The following HECTD4 variants were observed in gnomAD, a reference collection of about 807,000 sequenced individuals.
The protein encoded by HECTD4 is probable E3 ubiquitin-protein ligase HECTD4.
Under a neutral mutation model 471.5 loss-of-function variants are expected in HECTD4, and 114 were observed. That is an observed-to-expected ratio of 0.24 (90% CI 0.21 to 0.28). The LOEUF (loss-of-function observed/expected upper bound fraction) is 0.28. Among genes scored for constraint, HECTD4 ranks in the 10% least tolerant of loss-of-function variants. HECTD4 has a pLI of 1.00. For missense variants in HECTD4, 3,866 were observed against 5,651.5 expected (o/e 0.68, Z 10.13); for synonymous variants, 2,012 against 2,256.0 (o/e 0.89, Z 3.07).
rs150575074 is a variant in HECTD4 at position 112,202,323 on chromosome 12, G to A, written c.8406+1313C>T. Among the ~76,000 whole-genome samples the A allele has an allele frequency of 5.2e-3, 791 of 151,530 alleles. 5 individuals carry two copies. The highest frequency in any genetic ancestry group is 0.018 in the African/African-American group (751 of 41,270). ...GGGGTTCAAGCAATTCTCCTGCCTC[G>A]GCCTCCCAAGTAGCTAGGACTACAG... On this transcript the variant is annotated intron_variant, in intron 54 of 75. Transcript: ENST00000682272.
At chr12:112,207,745 A>C (rs929522851) in intron 52 of HECTD4, 129 bp downstream of exon 52, 14 of 991,650 alleles carry the variant, frequency 1.4e-5, no homozygotes, top group Non-Finnish European at 2.0e-5. Context: ...CACTAAAGGT[A>C]AGGTCAAAGA....
intron 34 of HECTD4, among the ~76,000 whole-genome samples, chr12:112,238,041 A>G (rs2033556820): frequency 6.6e-6 from 1 of 152,202 alleles, no homozygotes; most frequent in South Asian, 2.1e-4. Context: ...GGCGTGAGCC[A>G]CTGCACCCAG....
intron 17 of HECTD4, 69 bp from the exon 18 acceptor site, chr12:112,261,498 A>C: frequency 7.3e-7 from 1 of 1,374,794 alleles, no homozygotes. Flanking sequence ...TGACAACATG[A>C]AATGATGTAT....
chr12:112,254,099 G>A lies in HECTD4; in HGVS notation c.3391C>T (p.Leu1131=), dbSNP rs761601165. 6.2e-7 allele frequency: 1 copy of A among 1,613,962 alleles called. No homozygotes were observed. Among genetic ancestry groups the A allele is most frequent in the Non-Finnish European group, 8.5e-7 (1 of 1,179,872 alleles). The change falls in exon 22 of 76, where the codon CTG becomes TTG. Residue 1131 remains leucine, a synonymous_variant. Coordinates refer to ENST00000682272, the MANE Select transcript of HECTD4 (RefSeq NM_001388303.1). ...RKVAEYGGNT[L]GYGSRSVLGT... is the part of the protein sequence containing the mutation. ...AAGACACTACGGCTGCCATATCCCA[G>A]TGTGTTGCCTCCATATTCAGCAACC...
chr12:112,176,829 C>T (rs560925354), intron 64 of HECTD4, 127 bp from the exon 65 acceptor site: 9 of 735,904 alleles, frequency 1.2e-5, no homozygotes, highest in East Asian at 2.6e-5. Context: ...TCAGATAGGG[C>T]GGGGGCGTTC....
intron 1 of HECTD4, among the ~76,000 whole-genome samples, chr12:112,341,584 A>G (rs914994213): frequency 1.3e-5 from 2 of 152,212 alleles, no homozygotes; most frequent in African/African-American, 4.8e-5. Context: ...AACCTCGTCT[A>G]TCGCTTTACG....
chr12:112,177,361 G>A (rs932546613), intron 64 of HECTD4, among the ~76,000 whole-genome samples: 1 of 151,322 alleles, frequency 6.6e-6, no homozygotes, highest in Non-Finnish European at 1.5e-5. Context: ...ATCCATACAT[G>A]GAATGTTATG....
At chr12:112,263,230 A>T (rs1043227902) in intron 17 of HECTD4, among the ~76,000 whole-genome samples, 1 of 152,232 alleles carries the variant, frequency 6.6e-6, no homozygotes, top group African/African-American at 2.4e-5. Context: ...AATGAGGTAA[A>T]CTCATAAGTA....
intron 49 of HECTD4, among the ~76,000 whole-genome samples, chr12:112,211,249 G>T (rs2032751930): frequency 6.6e-6 from 1 of 152,066 alleles, no homozygotes; most frequent in African/African-American, 2.4e-5. Context: ...TGTTGCCTAG[G>T]CTGGAGTACA....
chr12:112,321,426 A>G (rs1309948422), intron 1 of HECTD4, among the ~76,000 whole-genome samples: 1 of 152,216 alleles, frequency 6.6e-6, no homozygotes, highest in African/African-American at 2.4e-5. Flanking sequence ...ACTGTAATCA[A>G]CAAAGGAGGG....
At position 112,382,398 on chromosome 12, in the gene HECTD4, A is replaced by T; in HGVS notation, c.-270T>A. 3.2e-6 allele frequency: 1 copy of T among 316,072 alleles called. No individual in the cohort carries two copies. 19.6% of individuals were successfully genotyped at this position (316,072 alleles called of 1,614,324 possible). A position where few individuals can be genotyped will look rare whatever the true frequency, so the allele number is the denominator to read the frequency against. ...ATCCGCCTCTGCCGCTCGGCAACCAACTGTCAGTGAGACGCCATGTTGGGG... is the reference window on the plus strand; with the variant it reads ...ATCCGCCTCTGCCGCTCGGCAACCATCTGTCAGTGAGACGCCATGTTGGGG... On this transcript the variant is annotated 5_prime_UTR_variant, in exon 1 of 76. In the 5' UTR this introduces an upstream ATG that the reference lacks. Transcript: ENST00000682272.
Position 112,193,458 on chromosome 12 carries a change from T to C in HECTD4, c.8955+11A>G, listed in dbSNP as rs1202782038. 4 of 1,600,428 alleles carry C rather than the reference T, an allele frequency of 2.5e-6. No individual in the cohort carries two copies. Among genetic ancestry groups the C allele is most frequent in the Non-Finnish European group, 3.4e-6 (4 of 1,173,106 alleles). On this transcript the variant is annotated intron_variant, in intron 57 of 75. Transcript: ENST00000682272. This position sits in a 1 kb window ranked among gnomAD's most constrained non-coding sequence, Gnocchi z 5.2. ...AACCACACTGCAGGAACATGAGCTT[T>C]AGACTTCTACCTGCAGGAAAGAGCA...
chr12:112,251,926 C>G (rs1418587699), intron 23 of HECTD4, among the ~76,000 whole-genome samples: 1 of 152,164 alleles, frequency 6.6e-6, no homozygotes, highest in African/African-American at 2.4e-5. Flanking sequence ...TGCCCACCAC[C>G]ACATCTGGCT....
Position 112,300,307 on chromosome 12 carries a change from CAAAAAA to C in HECTD4, c.1335+5751_1335+5756del, listed in dbSNP as rs572345517. ...TGAGTGACAGAGGAAGATTCCATCT[CAAAAAA>C]AAAAAAAAAAGAAAGAAAGAAAAAG... On this transcript the variant is annotated intron_variant, in intron 7 of 75. Coordinates refer to ENST00000682272, the MANE Select transcript of HECTD4 (RefSeq NM_001388303.1). Among the ~76,000 whole-genome samples, 45 of 69,942 alleles carry C rather than the reference CAAAAAA, an allele frequency of 6.4e-4. No individual in the cohort carries two copies. In the East Asian group the frequency reaches 9.2e-3, roughly 14 times the overall value. 45.9% of individuals were successfully genotyped at this position (69,942 alleles called of 152,430 possible). A position where few individuals can be genotyped will look rare whatever the true frequency, so the allele number is the denominator to read the frequency against.
chr12:112,226,838 A>G, intron 43 of HECTD4, 80 bp from the exon 44 acceptor site: 1 of 1,046,142 alleles, frequency 9.6e-7, no homozygotes, highest in South Asian at 1.6e-5. Context: ...AAACATTTCA[A>G]TCAATTTTGC....
chr12:112,269,825 G>C lies in HECTD4; in HGVS notation c.2200C>G (p.Pro734Ala). Residue 734 changes from proline (P) to alanine (A), a missense_variant, in exon 13 of 76, where the codon CCA (proline) becomes GCA (alanine). Physicochemically the swap from Pro to Ala is conservative, Grantham distance 27. Transcript: ENST00000682272. The stretch of plus-strand genomic sequence containing the variant: ...ATGTCTCGATTCCTTTCAGTTTGTG[G>C]GCTGAAGAAAAATTTAAATACCACC... ...FQVVFKFFFS[P>A]QTERNRDIIR... 8 of 1,613,814 alleles carry C rather than the reference G, an allele frequency of 5.0e-6. No individual in the cohort carries two copies. The highest frequency in any genetic ancestry group is 6.8e-6 in the Non-Finnish European group (8 of 1,179,806).
chr12:112,296,813 AG>A (rs2035034423), intron 7 of HECTD4, among the ~76,000 whole-genome samples: 1 of 150,464 alleles, frequency 6.6e-6, no homozygotes, highest in African/African-American at 2.5e-5. Context: ...GTGTAGGTGC[AG>A]TGGATGTAGG....
intron 51 of HECTD4, among the ~76,000 whole-genome samples, 184 bp downstream of exon 51, chr12:112,208,310 G>A (rs1240408058): frequency 6.6e-6 from 1 of 152,176 alleles, no homozygotes; most frequent in Non-Finnish European, 1.5e-5. Flanking sequence ...AACGGATATC[G>A]CTATTGATAG....
At chr12:112,205,700 C>T (rs2032557696) in intron 52 of HECTD4, among the ~76,000 whole-genome samples, 1 of 151,780 alleles carries the variant, frequency 6.6e-6, no homozygotes, top group African/African-American at 2.4e-5. Flanking sequence ...AAGTGATTCT[C>T]ATGCTTCAGC....
Sources: gnomAD v4.1 joint callset for allele counts (sites outside exome capture counted in the v4.1 genomes callset) on GRCh38, gnomAD v4.1.1 for gene constraint, Gnocchi (gnomAD v3.1) non-coding constraint, MANE v1.5 for transcripts, NCBI Gene and HGNC (gene_info 2026-07-23, HGNC 2026-07-21) for gene names.